MEIOB: variants seen among roughly 807,000 people sequenced by gnomAD.
The protein encoded by MEIOB is meiosis specific with OB-fold.
A neutral mutation model predicts 53.1 loss-of-function variants in MEIOB; 50 were observed. The ratio of observed to expected loss-of-function variants is 0.94; its 90% CI spans 0.75 to 1.19. MEIOB has a LOEUF of 1.19. MEIOB is among the 50% of genes most tolerant of loss of function. MEIOB has a pLI of 0.00. For missense variants in MEIOB, 551 were observed against 550.8 expected, an observed-to-expected ratio of 1.00 and a Z score of 0.00; for synonymous variants, 192 against 182.5, an observed-to-expected ratio of 1.05 and a Z score of -0.42.
intron 11 of MEIOB, chr16:1,839,738 C>G (rs140234821): frequency 3.1e-5 from 9 of 292,112 alleles, no homozygotes; most frequent in African/African-American, 1.8e-4. Context: ...CCTCCCTTCT[C>G]GTATCCCAGC....
At chr16:1,841,440 G>A (rs1463924235) in intron 11 of MEIOB, among the ~76,000 whole-genome samples, 1 of 152,128 alleles carries the variant, frequency 6.6e-6, no homozygotes, top group African/African-American at 2.4e-5. Flanking sequence ...TCAGCCTCCT[G>A]AGTAGCTGAG....
intron 9 of MEIOB, among the ~76,000 whole-genome samples, chr16:1,852,364 G>A (rs1377673581): frequency 2.7e-5 from 4 of 149,048 alleles, no homozygotes; most frequent in Non-Finnish European, 5.9e-5. Flanking sequence ...CTGGGTTGAA[G>A]TGATTCTCCT....
Sources: gnomAD v4.1 joint callset for allele counts (sites outside exome capture counted in the v4.1 genomes callset) on GRCh38, gnomAD v4.1.1 for gene constraint, MANE v1.5 for transcripts, NCBI Gene and HGNC (gene_info 2026-07-23, HGNC 2026-07-21) for gene names.